TRIM5: variants seen among roughly 807,000 people sequenced by gnomAD.
TRIM5 encodes the protein tripartite motif containing 5.
A neutral mutation model predicts 35.6 loss-of-function variants in TRIM5; 31 were observed. The ratio of observed to expected loss-of-function variants is 0.87; its 90% CI spans 0.65 to 1.18. The LOEUF is 1.18. Ranked by LOEUF, TRIM5 falls within the 50% of genes most tolerant of loss-of-function variation. TRIM5 has a pLI of 0.00. For synonymous variants in TRIM5, 243 were observed against 215.6 expected, an observed-to-expected ratio of 1.13 and a Z score of -1.11; for missense variants, 609 against 591.6, an observed-to-expected ratio of 1.03 and a Z score of -0.31.
the TRIM5 span, among the ~76,000 whole-genome samples, chr11:5,648,549 C>T: frequency 6.6e-6 from 1 of 152,074 alleles, no homozygotes; most frequent in Admixed American, 6.6e-5. Context: ...AACAGCTTCT[C>T]CTCACACACG....
At chr11:5,675,804 A>G (rs1398944925) in intron 4 of TRIM5, among the ~76,000 whole-genome samples, 1 of 128,504 alleles carries the variant, frequency 7.8e-6, no homozygotes, top group African/African-American at 2.9e-5. Flanking sequence ...GCACCCACTA[A>G]CTCGTCATCT....
intron 5 of TRIM5, chr11:5,666,387 A>G: frequency 3.5e-6 from 1 of 282,886 alleles, no homozygotes; most frequent in Non-Finnish European, 6.7e-6. Context: ...ATAAAAAAAA[A>G]AAAAAGGATT....
At chr11:5,627,694 A>G in the TRIM5 span, among the ~76,000 whole-genome samples, 1 of 152,218 alleles carries the variant, frequency 6.6e-6, no homozygotes, top group Admixed American at 6.5e-5. Flanking sequence ...GCAAGAACTC[A>G]GTGCACAGAG....
the TRIM5 span, among the ~76,000 whole-genome samples, chr11:5,638,956 G>A: frequency 2.0e-5 from 3 of 152,050 alleles, no homozygotes; most frequent in African/African-American, 7.2e-5. Context: ...ATGCCTTCAC[G>A]TGGGAGTGCA....
At chr11:5,604,498 G>T in the TRIM5 span, 1 of 1,594,150 alleles carries the variant, frequency 6.3e-7, no homozygotes, top group Non-Finnish European at 8.5e-7. Context: ...TCAACTGAAG[G>T]CTTGATCCTG....
chr11:5,668,922 G>C (rs1318072210), intron 4 of TRIM5, among the ~76,000 whole-genome samples: 3 of 152,010 alleles, frequency 2.0e-5, no homozygotes, highest in Non-Finnish European at 2.9e-5. Flanking sequence ...GAGCAACAAG[G>C]ACCAACAACT....
At chr11:5,643,047 A>G in the TRIM5 span, 1 of 1,292,232 alleles carries the variant, frequency 7.7e-7, no homozygotes, top group Non-Finnish European at 1.0e-6. Flanking sequence ...TCACCATGTC[A>G]CTAGATAAAC....
chr11:5,671,204 C>T (rs1247036814), intron 4 of TRIM5, among the ~76,000 whole-genome samples: 1 of 151,464 alleles, frequency 6.6e-6, no homozygotes, highest in African/African-American at 2.4e-5. Flanking sequence ...CTAGCATGGG[C>T]AACAGAGTGA....
the TRIM5 span, among the ~76,000 whole-genome samples, chr11:5,622,622 A>C: frequency 9.0e-6 from 1 of 110,856 alleles, no homozygotes; most frequent in Non-Finnish European, 1.7e-5. Context: ...CCATCTCAAA[A>C]AAACAAACAA....
the TRIM5 span, among the ~76,000 whole-genome samples, chr11:5,606,269 G>C: frequency 6.6e-6 from 1 of 152,178 alleles, no homozygotes; most frequent in East Asian, 1.9e-4. Context: ...TTGGGGGTCT[G>C]GGCTCTGGTC....
the TRIM5 span, chr11:5,612,851 C>CA: frequency 6.6e-6 from 1 of 152,138 alleles, no homozygotes; most frequent in Admixed American, 6.6e-5. Context: ...ATACCTACTT[C>CA]AAAAAATAAT....
chr11:5,666,136 G>T, intron 5 of TRIM5, 55 bp from the exon 6 acceptor site: 2 of 1,434,434 alleles, frequency 1.4e-6, no homozygotes, highest in South Asian at 1.2e-5. Context: ...TGTGTCCGTG[G>T]AACACCCCTG....
intron 4 of TRIM5, among the ~76,000 whole-genome samples, chr11:5,670,218 C>T (rs1408655050): frequency 7.5e-6 from 1 of 133,738 alleles, no homozygotes. Context: ...CACTCTGTCA[C>T]CCAGGCTGGA....
the TRIM5 span, among the ~76,000 whole-genome samples, chr11:5,640,881 T>C: frequency 6.6e-6 from 1 of 152,206 alleles, no homozygotes; most frequent in Admixed American, 6.5e-5. Flanking sequence ...TGATAGTTTC[T>C]GTATTTCTAG....
rs1344882005 is a variant in TRIM5 at position 5,679,106 on chromosome 11, C to T, written c.481G>A (p.Ala161Thr). 1 of 1,613,976 alleles carries T rather than the reference C, an allele frequency of 6.2e-7. No individual in the cohort carries two copies. The highest frequency in any genetic ancestry group is 8.5e-7 in the Non-Finnish European group (1 of 1,179,980). Reference protein sequence around the residue: ...QKQQEAEELEADIREEKASWK... With the variant: ...QKQQEAEELETDIREEKASWK... ...GAAGCTTTCTCTTCTCTGATGTCAG[C>T]TTCTAACTCTTCAGCTTCCTGCTGC... Residue 161 changes from alanine (A) to threonine (T), a missense_variant, in exon 3 of 8, where the codon GCT becomes ACT. Physicochemically the swap from Ala to Thr is moderately conservative, Grantham distance 58. Coordinates refer to ENST00000380034, the MANE Select transcript of TRIM5 (RefSeq NM_033034.3).
At chr11:5,610,683 C>T in the TRIM5 span, 2 of 1,569,730 alleles carry the variant, frequency 1.3e-6, no homozygotes, top group African/African-American at 1.4e-5. Context: ...CATATAGTTC[C>T]AGTTCCTCCA....
At chr11:5,645,719 G>C in the TRIM5 span, 1 of 175,044 alleles carries the variant, frequency 5.7e-6, no homozygotes, top group Non-Finnish European at 1.2e-5. Context: ...GGACAGAGGA[G>C]ATTTGATGAG....
At chr11:5,642,660 T>C in the TRIM5 span, among the ~76,000 whole-genome samples, 3 of 132,358 alleles carry the variant, frequency 2.3e-5, no homozygotes, top group African/African-American at 8.2e-5. Flanking sequence ...CATTTATATG[T>C]AAGGAAAAAT....
Position 5,679,063 on chromosome 11 carries a change from C to A in TRIM5, c.513+11G>T, listed in dbSNP as rs202226339. 6.2e-7 allele frequency: 1 copy of A among 1,612,360 alleles called. No individual in the cohort carries two copies. Among genetic ancestry groups the A allele is most frequent in the South Asian group, 1.1e-5 (1 of 91,050 alleles). On this transcript the variant is annotated intron_variant, in intron 3 of 7. Transcript: ENST00000380034. ...TTCTAGCTAACTCCTTCGGGAACCA[C>A]ATCCTCTTGCCTTCCAGGAAGCTTT...
Sources: allele counts gnomAD v4.1 joint callset (sites outside exome capture counted in the v4.1 genomes callset), GRCh38; gene constraint gnomAD v4.1.1; transcripts MANE v1.5; gene names NCBI Gene and HGNC (gene_info 2026-07-23, HGNC 2026-07-21).